The following ADGRD1 variants were observed in gnomAD, a reference collection of about 807,000 sequenced individuals.
ADGRD1 encodes adhesion G protein-coupled receptor D1, also known as G-protein coupled receptor 133.
ADGRD1 carries 77 observed loss-of-function variants against 113.4 expected under a neutral mutation model. The observed-to-expected ratio is 0.68, with a 90% CI of 0.57 to 0.82. The LOEUF (loss-of-function observed/expected upper bound fraction) is 0.82. ADGRD1 is among the 40% of genes least tolerant of loss of function. The pLI, the probability that ADGRD1 is intolerant of heterozygous loss-of-function variation, is 0.00. For synonymous variants in ADGRD1, 474 were observed against 475.0 expected (o/e 1.00, Z 0.03); for missense variants, 1,036 against 1,139.1 (o/e 0.91, Z 1.30).
chr12:130,993,133 G>T (rs1874650647), intron 8 of ADGRD1, among the ~76,000 whole-genome samples: 1 of 152,152 alleles, frequency 6.6e-6, no homozygotes, highest in South Asian at 2.1e-4. Flanking sequence ...CTGAGATGTG[G>T]AGGAAATAAT....
At chr12:130,963,517 A>G (rs1268215414) in intron 2 of ADGRD1, among the ~76,000 whole-genome samples, 1 of 152,034 alleles carries the variant, frequency 6.6e-6, no homozygotes, top group Non-Finnish European at 1.5e-5. Context: ...CCCTGAACCA[A>G]CTATATTTTA....
At chr12:131,047,405 G>A (rs1006575048) in intron 13 of ADGRD1, among the ~76,000 whole-genome samples, 2 of 152,334 alleles carry the variant, frequency 1.3e-5, no homozygotes, top group Admixed American at 6.5e-5. Context: ...GCAGATGGGT[G>A]GGAGCATTCC....
intron 20 of ADGRD1, 37 bp from the exon 21 acceptor site, chr12:131,131,688 A>C (rs1950932438): frequency 2.8e-6 from 4 of 1,432,000 alleles, no homozygotes; most frequent in East Asian, 2.3e-5. Context: ...GGTGCAGCCC[A>C]GGCCCCCCTC....
chr12:131,043,055 C>T (rs1882303356), intron 13 of ADGRD1, among the ~76,000 whole-genome samples: 1 of 152,206 alleles, frequency 6.6e-6, no homozygotes, highest in Non-Finnish European at 1.5e-5. Context: ...AGTTGTTGCC[C>T]CTGCTTTCAG....
intron 4 of ADGRD1, 137 bp from the exon 5 acceptor site, chr12:130,981,747 G>T: frequency 1.6e-6 from 1 of 610,058 alleles, no homozygotes; most frequent in Non-Finnish European, 2.9e-6. Context: ...TGGATTTTCT[G>T]AACTGAACAT....
At chr12:131,030,755 C>T (rs976388403) in intron 13 of ADGRD1, 2 of 152,262 alleles carry the variant, frequency 1.3e-5, no homozygotes, top group African/African-American at 2.4e-5. Flanking sequence ...GCGCGTGACA[C>T]CTCAATGTGG....
Position 131,014,308 on chromosome 12 carries a change from C to G in ADGRD1, c.1441C>G (p.Pro481Ala), listed in dbSNP as rs865931428. The G allele has an allele frequency of 6.2e-7, 1 of 1,613,942 alleles. No homozygotes were observed. Among genetic ancestry groups the G allele is most frequent in the Non-Finnish European group, 8.5e-7 (1 of 1,179,944 alleles). ...CCTGTCTCAGAACCTGTCGGGCTCT[C>G]CACTCATTACGGTCCACCTCAAGCA... is the stretch of plus-strand genomic sequence containing the variant. ...PTLSQNLSGS[P>A]LITVHLKHRL... is the part of the protein sequence containing the mutation. Residue 481 changes from proline (P) to alanine (A), a missense_variant, in exon 13 of 25, where the codon CCA becomes GCA. By Grantham distance (27) the Pro-to-Ala change is conservative. Transcript: ENST00000261654.
In ADGRD1 at chr12:130,962,012, T is replaced by C. The variant is rs556945675; in HGVS notation, c.104-4451T>C. Among the ~76,000 whole-genome samples the C allele has an allele frequency of 1.3e-4, 20 of 152,334 alleles. No individual in the cohort carries two copies. The South Asian group carries it at 3.5e-3, about 27-fold the overall frequency. On this transcript the variant is annotated intron_variant, in intron 2 of 24. Coordinates refer to ENST00000261654, the MANE Select transcript of ADGRD1 (RefSeq NM_198827.5). ...CTACGACTGCAGTGGTGCCAGCTGA[T>C]GGTTTCCAGCATCTGCTCTGATGAG...
At chr12:130,982,367 T>C (rs112271361) in intron 5 of ADGRD1, among the ~76,000 whole-genome samples, 2,608 of 152,296 alleles carry the variant, frequency 0.017, 82 homozygotes, top group African/African-American at 0.059. Context: ...CAGATGATAT[T>C]GACAGTACTT....
At chr12:130,996,435 C>T (rs1454659571) in intron 8 of ADGRD1, among the ~76,000 whole-genome samples, 3 of 66,320 alleles carry the variant, frequency 4.5e-5, no homozygotes, top group East Asian at 3.3e-4. Flanking sequence ...CCGGACGGGG[C>T]GGCTGGCCGG....
chr12:131,137,985 G>C, intron 23 of ADGRD1, 152 bp from the exon 24 acceptor site: 1 of 659,316 alleles, frequency 1.5e-6, no homozygotes, highest in East Asian at 2.8e-5. Context: ...GCGATGCACA[G>C]CTCAGCTGTG....
intron 20 of ADGRD1, among the ~76,000 whole-genome samples, chr12:131,124,369 C>G (rs1393174814): frequency 1.3e-5 from 2 of 152,204 alleles, no homozygotes; most frequent in African/African-American, 4.8e-5. Context: ...AATAATGGTT[C>G]CCTAAGGAGA....
chr12:131,045,236 C>T (rs1882566067), intron 13 of ADGRD1, among the ~76,000 whole-genome samples: 1 of 152,254 alleles, frequency 6.6e-6, no homozygotes, highest in Admixed American at 6.5e-5. Context: ...ACCTGTGGGT[C>T]TCCAGGTCGC....
intron 8 of ADGRD1, among the ~76,000 whole-genome samples, chr12:130,996,166 C>G (rs868283800): frequency 1.3e-5 from 2 of 150,126 alleles, no homozygotes; most frequent in Non-Finnish European, 3.0e-5. Flanking sequence ...AAAAGTCTCC[C>G]ATGTCTACTT....
intron 13 of ADGRD1, among the ~76,000 whole-genome samples, chr12:131,056,486 C>T (rs976147234): frequency 5.3e-5 from 8 of 152,178 alleles, no homozygotes; most frequent in African/African-American, 9.7e-5. Context: ...AACATGGAGC[C>T]CATCATTGCT....
chr12:131,126,974 G>A (rs906284800), intron 20 of ADGRD1, among the ~76,000 whole-genome samples: 23 of 152,194 alleles, frequency 1.5e-4, no homozygotes, highest in Non-Finnish European at 2.2e-4. Flanking sequence ...TGTGCCACTC[G>A]CAGCCAAAGT....
chr12:131,030,794 A>T (rs1312449199), intron 13 of ADGRD1: 2 of 152,252 alleles, frequency 1.3e-5, no homozygotes, highest in African/African-American at 4.8e-5. Flanking sequence ...AACAGAAGAC[A>T]CCAGTACTTT....
At chr12:131,056,124 C>T (rs907839219) in intron 13 of ADGRD1, among the ~76,000 whole-genome samples, 5 of 152,178 alleles carry the variant, frequency 3.3e-5, no homozygotes, top group Admixed American at 6.5e-5. Flanking sequence ...TATTGAGAGT[C>T]CTGTTTTGTA....
In ADGRD1 at chr12:131,006,033, G is replaced by A; in HGVS notation, c.1317G>A (p.Trp439Ter). The A allele has an allele frequency of 6.2e-7, 1 of 1,612,622 alleles. No homozygotes were observed. The highest frequency in any genetic ancestry group is 8.5e-7 in the Non-Finnish European group (1 of 1,179,948). The change falls in exon 12 of 25, where the codon TGG (tryptophan) becomes TGA (stop). Residue 439 changes from tryptophan to a stop codon, truncating the protein, a stop_gained. Coordinates refer to ENST00000261654, the MANE Select transcript of ADGRD1 (RefSeq NM_198827.5). LOFTEE classifies it high-confidence loss of function. Reference protein sequence around the residue: ...HSMHYYLNNIWPAHTKIAEAM... With the variant: ...HSMHYYLNNI Reference sequence around the variant, plus strand: ...TGCACTACTACCTGAACAACATCTGGCCCGCCCACACCAAGTGAGTCTCGG... The same window carrying A: ...TGCACTACTACCTGAACAACATCTGACCCGCCCACACCAAGTGAGTCTCGG...
Sources: gnomAD v4.1 joint callset for allele counts (sites outside exome capture counted in the v4.1 genomes callset) on GRCh38, gnomAD v4.1.1 for gene constraint, MANE v1.5 for transcripts, NCBI Gene and HGNC (gene_info 2026-07-23, HGNC 2026-07-21) for gene names.